Variants in SSBP4 observed in about 807,000 individuals in gnomAD.
SSBP4 encodes the protein single-stranded DNA-binding protein 4.
In SSBP4, 33 loss-of-function variants were observed where a neutral mutation model predicts 64.6. The observed-to-expected ratio is 0.51, with a 90% confidence interval of 0.39 to 0.68. SSBP4 has a LOEUF of 0.68. Among genes scored for constraint, SSBP4 ranks in the 30% least tolerant of loss-of-function variants. The probability of loss-of-function intolerance (pLI) is 0.00; values close to 1 mark genes in which losing one functional copy is unlikely to be tolerated. For synonymous variants in SSBP4, 243 were observed against 224.0 expected (o/e 1.08, Z -0.76); for missense variants, 583 against 566.8 (o/e 1.03, Z -0.29).
intron 6 of SSBP4, 22 bp downstream of exon 6, chr19:18,431,440 C>A: frequency 7.1e-7 from 1 of 1,410,020 alleles, no homozygotes; most frequent in Non-Finnish European, 9.7e-7. Flanking sequence ...TGGTGCCTGC[C>A]CCTCACACAC....
chr19:18,433,965 C>T (rs1973765577), intron 17 of SSBP4, 148 bp downstream of exon 17: 6 of 1,192,792 alleles, frequency 5.0e-6, no homozygotes, highest in East Asian at 6.9e-5. Context: ...CTTTCCCTCT[C>T]CTCAACCTCT....
Sources: gnomAD v4.1 joint callset for allele counts on GRCh38, gnomAD v4.1.1 for gene constraint, MANE v1.5 for transcripts, NCBI Gene and HGNC (gene_info 2026-07-23, HGNC 2026-07-21) for gene names.